FRA10AC1: variants seen among roughly 807,000 people sequenced by gnomAD.
The protein encoded by FRA10AC1 is protein FRA10AC1.
FRA10AC1 carries 43 observed loss-of-function variants against 56.5 expected under a neutral mutation model. The ratio of observed to expected loss-of-function variants is 0.76; its 90% CI spans 0.60 to 0.98. The LOEUF (loss-of-function observed/expected upper bound fraction) is 0.98, where lower values mean the gene tolerates loss of function less well. Ranked by LOEUF, FRA10AC1 falls within the 50% of genes least tolerant of loss-of-function variation. The probability of loss-of-function intolerance (pLI) is 0.00; values close to 1 mark genes in which losing one functional copy is unlikely to be tolerated. For synonymous variants in FRA10AC1, 112 were observed against 110.5 expected (o/e 1.01, Z -0.09); for missense variants, 346 against 351.8 (o/e 0.98, Z 0.13).
upstream of FRA10AC1, chr10:93,702,669 G>A: frequency 8.8e-6 from 2 of 227,876 alleles, no homozygotes; most frequent in South Asian, 4.8e-5. Flanking sequence ...AGCCAGAACA[G>A]CTCCGGGAAA....
chr10:93,693,222 A>G (rs1589725984), intron 5 of FRA10AC1, among the ~76,000 whole-genome samples: 2 of 150,918 alleles, frequency 1.3e-5, no homozygotes, highest in Admixed American at 1.3e-4. Flanking sequence ...AAAAAAAAAA[A>G]GGAAAAAAAA....
chr10:93,679,872 G>A (rs1240139072), intron 11 of FRA10AC1, among the ~76,000 whole-genome samples: 1 of 152,136 alleles, frequency 6.6e-6, no homozygotes, highest in Non-Finnish European at 1.5e-5. Context: ...TACTCTGGGG[G>A]TAAAATTCAC....
chr10:93,692,134 C>T (rs2059134405), intron 6 of FRA10AC1, 41 bp from the exon 7 acceptor site: 1 of 1,374,500 alleles, frequency 7.3e-7, no homozygotes, highest in Non-Finnish European at 9.6e-7. Context: ...TTTAGAAACT[C>T]AACCATGGTT....
At chr10:93,688,569 T>C (rs1349434554) in intron 7 of FRA10AC1, among the ~76,000 whole-genome samples, 2 of 152,308 alleles carry the variant, frequency 1.3e-5, no homozygotes, top group African/African-American at 4.8e-5. Flanking sequence ...TGGTGTGGGA[T>C]GCTGACAGTA....
rs760513353 is a variant in FRA10AC1, at chr10:93,670,850, T to C, written c.827-2A>G. The C allele has an allele frequency of 1.2e-6, 2 of 1,603,948 alleles. No individual in the cohort carries two copies. The highest frequency in any genetic ancestry group is 2.7e-5 in the African/African-American group (2 of 74,632). ...CACTTTCTTCCTCATCAGAGTTTCCTGTTCATTTAAAAAAGATGATTTTTA... is the reference window on the plus strand; with the variant it reads ...CACTTTCTTCCTCATCAGAGTTTCCCGTTCATTTAAAAAAGATGATTTTTA... On this transcript the variant is annotated splice_acceptor_variant, in intron 12 of 13. Coordinates refer to ENST00000359204, the MANE Select transcript of FRA10AC1 (RefSeq NM_145246.5). LOFTEE classifies it high-confidence loss of function.
intron 5 of FRA10AC1, among the ~76,000 whole-genome samples, chr10:93,694,529 G>A (rs2059195042): frequency 1.3e-5 from 2 of 151,776 alleles, no homozygotes; most frequent in Admixed American, 6.6e-5. Context: ...GCCTGGCCAA[G>A]ATGGTGAAAC....
At chr10:93,690,269 T>G (rs912304685) in intron 7 of FRA10AC1, among the ~76,000 whole-genome samples, 1 of 152,190 alleles carries the variant, frequency 6.6e-6, no homozygotes, top group African/African-American at 2.4e-5. Context: ...CCAAATTCTG[T>G]ATTTTTCTCA....
At chr10:93,702,019 C>T (rs1305818799) in intron 1 of FRA10AC1, among the ~76,000 whole-genome samples, 1 of 152,082 alleles carries the variant, frequency 6.6e-6, no homozygotes, top group Non-Finnish European at 1.5e-5. Flanking sequence ...CAGTGAAACC[C>T]AGTAAATGTT....
intron 2 of FRA10AC1, among the ~76,000 whole-genome samples, chr10:93,698,833 T>C (rs770210329): frequency 2.0e-5 from 3 of 152,254 alleles, no homozygotes; most frequent in African/African-American, 2.4e-5. Flanking sequence ...GCCCAACCCA[T>C]GGGCCTCATG....
In FRA10AC1 at chr10:93,698,194, AT is replaced by A. The variant is rs1440493696; in HGVS notation, c.174-14del. On this transcript the variant is annotated splice_polypyrimidine_tract_variant and intron_variant, in intron 3 of 13. Transcript: ENST00000359204. ...TCTTGCTTCTTCCCTGTTAAAACAA[AT>A]TTTTTTAAGAAAATTCAAAATGTTT... The A allele has an allele frequency of 8.9e-6, 14 of 1,570,518 alleles. No individual in the cohort carries two copies. The highest frequency in any genetic ancestry group is 1.2e-5 in the South Asian group (1 of 85,768).
chr10:93,677,744 T>C (rs1256159814), intron 11 of FRA10AC1, among the ~76,000 whole-genome samples: 5 of 152,218 alleles, frequency 3.3e-5, no homozygotes, highest in African/African-American at 9.6e-5. Context: ...CTTTAGTGCA[T>C]ATGATTCGCC....
chr10:93,670,745 A>G, intron 13 of FRA10AC1, 25 bp downstream of exon 13: 1 of 1,427,844 alleles, frequency 7.0e-7, no homozygotes, highest in African/African-American at 1.4e-5. Context: ...AAAGGTACAT[A>G]TTCTCTATTA....
intron 11 of FRA10AC1, among the ~76,000 whole-genome samples, chr10:93,680,130 G>A (rs1001653011): frequency 3.3e-5 from 5 of 152,128 alleles, no homozygotes; most frequent in Non-Finnish European, 7.4e-5. Flanking sequence ...ATTTTATAAA[G>A]TAGAGACTAG....
intron 8 of FRA10AC1, 85 bp downstream of exon 8, chr10:93,687,319 G>A (rs1454591340): frequency 1.9e-6 from 2 of 1,074,102 alleles, no homozygotes; most frequent in African/African-American, 1.6e-5. Context: ...TCTTGTATAT[G>A]TTAGGAATGA....
rs1420909931 is a variant in FRA10AC1 at position 93,700,034 on chromosome 10, T to C, written c.73A>G (p.Lys25Glu). The change falls in exon 2 of 14, where the codon AAA becomes GAA. Residue 25 changes from lysine to glutamate, a missense_variant. Transcript: ENST00000359204. ...ERCGESSKRKKRTVEDDLLLQ... is the reference protein window; with the variant it reads ...ERCGESSKRKERTVEDDLLLQ... ...CAATAAAAAAAAATTACTTACCTTT[T>C]TTTCCTTTTGCTGGATTCTCCACAG... The C allele has an allele frequency of 2.6e-6, 4 of 1,555,396 alleles. No homozygotes were observed. The African/African-American group carries it at 4.1e-5, about 16-fold the overall frequency.
intron 10 of FRA10AC1, among the ~76,000 whole-genome samples, chr10:93,682,964 G>T (rs201283122): frequency 6.6e-6 from 1 of 151,810 alleles, no homozygotes; most frequent in Non-Finnish European, 1.5e-5. Context: ...AAAAAAGAAA[G>T]CTATTTTAAA....
intron 7 of FRA10AC1, among the ~76,000 whole-genome samples, chr10:93,691,184 G>A (rs2059118742): frequency 6.6e-6 from 1 of 152,078 alleles, no homozygotes; most frequent in South Asian, 2.1e-4. Flanking sequence ...AGAAATAAAA[G>A]TAACTTTCTA....
At chr10:93,699,699 C>T (rs1349358390) in intron 2 of FRA10AC1, among the ~76,000 whole-genome samples, 1 of 152,194 alleles carries the variant, frequency 6.6e-6, no homozygotes, top group Admixed American at 6.5e-5. Context: ...CAAGCCCCTT[C>T]TGAGCTACAA....
At chr10:93,693,531 C>CATATATATATATATATATACACCAT (rs397947381) in intron 5 of FRA10AC1, among the ~76,000 whole-genome samples, 1 of 30,746 alleles carries the variant, frequency 3.3e-5, no homozygotes, top group African/African-American at 5.9e-5. Context: ...ATATATACAC[C>CATATATATATATATATATACACCAT]ATATATATAT....
Sources: gnomAD v4.1 joint callset for allele counts (sites outside exome capture counted in the v4.1 genomes callset) on GRCh38, gnomAD v4.1.1 for gene constraint, MANE v1.5 for transcripts, NCBI Gene and HGNC (gene_info 2026-07-23, HGNC 2026-07-21) for gene names.